ELP1: variants seen among roughly 807,000 people sequenced by gnomAD.
ELP1 encodes elongator complex protein 1.
ELP1 carries 131 observed loss-of-function variants against 183.2 expected under a neutral mutation model. That is an observed-to-expected ratio of 0.72 (90% CI 0.62 to 0.83). The LOEUF (loss-of-function observed/expected upper bound fraction) is 0.83. ELP1 is among the 40% of genes least tolerant of loss of function. ELP1 has a pLI of 0.00. For missense variants in ELP1, 1,550 were observed against 1,594.9 expected (o/e 0.97, Z 0.48); for synonymous variants, 555 against 569.0 (o/e 0.98, Z 0.35).
intron 10 of ELP1, among the ~76,000 whole-genome samples, chr9:108,914,398 C>CAA (rs1288308725): frequency 3.5e-5 from 1 of 28,770 alleles, no homozygotes. Context: ...ACTCCGTCTC[C>CAA]AAAAAAAAAA....
chr9:108,919,801 G>C (rs1361899241), intron 6 of ELP1, among the ~76,000 whole-genome samples: 1 of 152,180 alleles, frequency 6.6e-6, no homozygotes, highest in Non-Finnish European at 1.5e-5. Context: ...AGGTGGTAAA[G>C]GCAGCAGCAG....
intron 6 of ELP1, among the ~76,000 whole-genome samples, chr9:108,921,921 T>C (rs1587919460): frequency 6.6e-6 from 1 of 152,248 alleles, no homozygotes; most frequent in African/African-American, 2.4e-5. Flanking sequence ...CTGTTTTATA[T>C]ATGCTATTAC....
chr9:108,903,995 T>C (rs1291627165), intron 14 of ELP1, among the ~76,000 whole-genome samples: 1 of 152,198 alleles, frequency 6.6e-6, no homozygotes, highest in Non-Finnish European at 1.5e-5. Context: ...ATCATTCCTC[T>C]TCTGGCCACA....
chr9:108,902,215 C>G (rs1418907163), intron 16 of ELP1, among the ~76,000 whole-genome samples: 3 of 152,194 alleles, frequency 2.0e-5, no homozygotes, highest in Non-Finnish European at 2.9e-5. Context: ...ACAGAGCCTT[C>G]TTTTTCTTCA....
At chr9:108,912,811 G>C (rs1166436388) in intron 10 of ELP1, among the ~76,000 whole-genome samples, 5 of 146,376 alleles carry the variant, frequency 3.4e-5, no homozygotes, top group Non-Finnish European at 7.4e-5. Context: ...CTGGAGTGCA[G>C]TGGCGCAATC....
chr9:108,891,723 G>C (rs1828342699), intron 27 of ELP1, among the ~76,000 whole-genome samples: 1 of 152,198 alleles, frequency 6.6e-6, no homozygotes, highest in Non-Finnish European at 1.5e-5. Context: ...TGCTCTTATA[G>C]TAACAGAGGA....
chr9:108,904,389 C>A (rs1391947218), intron 14 of ELP1, among the ~76,000 whole-genome samples: 1 of 151,402 alleles, frequency 6.6e-6, no homozygotes, highest in African/African-American at 2.4e-5. Flanking sequence ...GGACCATAGC[C>A]ACGGAAGCAG....
rs79966467 is a variant in ELP1 at position 108,906,596 on chromosome 9, A to C, written c.1461-111T>G. 6,703 of 833,522 alleles carry C rather than the reference A, an allele frequency of 8.0e-3. 31 individuals are homozygous for C. Among genetic ancestry groups the C allele is most frequent in the Non-Finnish European group, 0.011 (5,477 of 499,656 alleles). The allele number at this position is 833,522 out of a possible 1,614,324, so 51.6% of individuals were successfully genotyped here. On this transcript the variant is annotated intron_variant, in intron 13 of 36. Coordinates refer to ENST00000374647, the MANE Select transcript of ELP1 (RefSeq NM_003640.5). ...TCTTGTATACAGTCCACTCCTAATT[A>C]TTTGGAGGGACAAAACCTGAGATAC...
chr9:108,927,266 T>G (rs1829850802), intron 4 of ELP1, 106 bp downstream of exon 4: 1 of 866,962 alleles, frequency 1.2e-6, no homozygotes, highest in African/African-American at 1.7e-5. Flanking sequence ...ATTATACTGG[T>G]TCAAAGAAAT....
intron 8 of ELP1, among the ~76,000 whole-genome samples, chr9:108,917,884 T>C (rs1829508241): frequency 6.6e-6 from 1 of 152,134 alleles, no homozygotes; most frequent in Non-Finnish European, 1.5e-5. Context: ...GAGGAAAGAG[T>C]GCCTTTTCCT....
Position 108,929,886 on chromosome 9 carries a change from A to G in ELP1, c.186T>C (p.Phe62=), listed in dbSNP as rs752573144. 6.8e-6 allele frequency: 11 copies of G among 1,613,924 alleles called. No individual in the cohort carries two copies. The highest frequency in any genetic ancestry group is 1.7e-4 in the Middle Eastern group (1 of 5,832). The change falls in exon 3 of 37, where the codon TTT becomes TTC. Residue 62 remains phenylalanine (F), a synonymous_variant. Coordinates refer to ENST00000374647, the MANE Select transcript of ELP1 (RefSeq NM_003640.5). ...TGCGGCCACTTCCATCCTCTGGGAG[A>G]AAGCCTTCTGCCACCAAAGAAACTT... is the stretch of plus-strand genomic sequence containing the variant. ...KNEVSLVAEG[F]LPEDGSGRIV...
intron 36 of ELP1, among the ~76,000 whole-genome samples, chr9:108,871,237 G>A (rs10816752): frequency 0.22 from 32,891 of 151,646 alleles, 3,981 homozygotes; most frequent in African/African-American, 0.32. Flanking sequence ...TGTTTGTAAC[G>A]AGCCTTAAAG....
At chr9:108,930,827 A>T (rs1157526858) in intron 2 of ELP1, among the ~76,000 whole-genome samples, 170 bp downstream of exon 2, 1 of 152,204 alleles carries the variant, frequency 6.6e-6, no homozygotes, top group Non-Finnish European at 1.5e-5. Flanking sequence ...TTAAAGAAGG[A>T]TTACGATTTA....
intron 6 of ELP1, among the ~76,000 whole-genome samples, chr9:108,921,585 C>CA (rs11369159): frequency 0.18 from 25,407 of 137,596 alleles, 3,177 homozygotes; most frequent in African/African-American, 0.38. Flanking sequence ...TAAGTCCTGC[C>CA]AAAAAAAAAA....
At chr9:108,891,651 C>T (rs1466122250) in intron 27 of ELP1, among the ~76,000 whole-genome samples, 1 of 152,174 alleles carries the variant, frequency 6.6e-6, no homozygotes, top group African/African-American at 2.4e-5. Flanking sequence ...ATGGATACTA[C>T]AGCAAGGCAA....
At chr9:108,878,314 T>C (rs1429081286) in intron 34 of ELP1, among the ~76,000 whole-genome samples, 165 bp from the exon 35 acceptor site, 1 of 152,174 alleles carries the variant, frequency 6.6e-6, no homozygotes, top group African/African-American at 2.4e-5. Context: ...TAAACACATG[T>C]ACTACAAAAA....
rs781155896 is a variant in ELP1, at chr9:108,878,156, A to G, written c.3701-7T>C. 1.2e-6 allele frequency: 2 copies of G among 1,605,014 alleles called. No homozygotes were observed. The highest frequency in any genetic ancestry group is 1.1e-5 in the South Asian group (1 of 90,874). Reference sequence around the variant, plus strand: ...AAAATATGGTATACTTCATCTAGAGAGAAGAAATTTGAAAGAGTGGTAAGT... The same window carrying G: ...AAAATATGGTATACTTCATCTAGAGGGAAGAAATTTGAAAGAGTGGTAAGT... On this transcript the variant is annotated splice_region_variant and splice_polypyrimidine_tract_variant and intron_variant, in intron 34 of 36. Transcript: ENST00000374647.
At chr9:108,904,564 C>T (rs1220145354) in intron 14 of ELP1, among the ~76,000 whole-genome samples, 1 of 152,136 alleles carries the variant, frequency 6.6e-6, no homozygotes. Flanking sequence ...TCTACAAATG[C>T]TTCAAATTTT....
rs776506989 is a variant in ELP1, at chr9:108,916,238, A to G, written c.924T>C (p.Leu308=). ...SSVLAVWLED[L]QREESSIPKT... ...TCGGAATGGAGCTTTCTTCTCTCTG[A>G]AGGTCTTCCAGCCAGACTGCAAGCA... The change falls in exon 10 of 37, where the codon CTT becomes CTC. Residue 308 remains leucine (L), a synonymous_variant. Transcript: ENST00000374647. 1.1e-5 allele frequency: 18 copies of G among 1,614,172 alleles called. No individual in the cohort carries two copies. The highest frequency in any genetic ancestry group is 1.4e-5 in the Non-Finnish European group (17 of 1,179,996).
Sources: allele counts gnomAD v4.1 joint callset (sites outside exome capture counted in the v4.1 genomes callset), GRCh38; gene constraint gnomAD v4.1.1; transcripts MANE v1.5; gene names NCBI Gene and HGNC (gene_info 2026-07-23, HGNC 2026-07-21).